Variants in NPFFR2 observed in about 807,000 individuals in gnomAD.
NPFFR2 encodes neuropeptide FF receptor 2.
NPFFR2 carries 15 observed loss-of-function variants against 13.1 expected under a neutral mutation model. That is an observed-to-expected ratio of 1.15 (90% confidence interval 0.77 to 1.76). NPFFR2 has a LOEUF of 1.76. NPFFR2 is among the 40% of genes most tolerant of loss of function. The probability of loss-of-function intolerance (pLI) is 0.00; values close to 1 mark genes in which losing one functional copy is unlikely to be tolerated. For missense variants in NPFFR2, 572 were observed against 503.5 expected, an observed-to-expected ratio of 1.14 and a Z score of -1.30; for synonymous variants, 190 against 175.7, an observed-to-expected ratio of 1.08 and a Z score of -0.65.
intron 1 of NPFFR2, among the ~76,000 whole-genome samples, chr4:72,046,979 A>C (rs1719398404): frequency 6.6e-6 from 1 of 152,208 alleles, no homozygotes; most frequent in African/African-American, 2.4e-5. Context: ...AGGGCTTTGC[A>C]GAATGCAGAG....
rs75540662 is a variant in NPFFR2 at position 72,062,624 on chromosome 4, C to T, written c.-8+30424C>T. Among the ~76,000 whole-genome samples, 484 of 152,094 alleles carry T rather than the reference C, an allele frequency of 3.2e-3. 3 individuals carry two copies. Among genetic ancestry groups the T allele is most frequent in the African/African-American group, 0.011 (475 of 41,482 alleles). ...CTTGCATAAAGACGTGAAATCTTCC[C>T]GATCCCTTTAATATGGGCTGCACAT... On this transcript the variant is annotated intron_variant, in intron 1 of 3. Coordinates refer to ENST00000308744, the MANE Select transcript of NPFFR2 (RefSeq NM_004885.3).
intron 1 of NPFFR2, among the ~76,000 whole-genome samples, chr4:72,107,992 T>C (rs148762964): frequency 1.7e-3 from 256 of 152,080 alleles, no homozygotes; most frequent in African/African-American, 5.9e-3. Context: ...TTACTAACAA[T>C]TTCATGAATA....
chr4:72,086,474 C>A (rs914671946), intron 1 of NPFFR2, among the ~76,000 whole-genome samples: 1 of 151,932 alleles, frequency 6.6e-6, no homozygotes, highest in African/African-American at 2.4e-5. Context: ...AGAATGTAAG[C>A]TAGCAAACTG....
At chr4:72,084,702 T>C (rs888823182) in intron 1 of NPFFR2, among the ~76,000 whole-genome samples, 3 of 152,122 alleles carry the variant, frequency 2.0e-5, no homozygotes, top group African/African-American at 7.2e-5. Context: ...GCGTTTGTGC[T>C]TCAGTGCTTT....
chr4:72,096,764 T>C (rs1721085815), intron 1 of NPFFR2, among the ~76,000 whole-genome samples: 1 of 152,102 alleles, frequency 6.6e-6, no homozygotes, highest in African/African-American at 2.4e-5. Context: ...AATTGTTTTA[T>C]ACAGATGCTC....
At chr4:72,080,287 C>G (rs549065161) in intron 1 of NPFFR2, among the ~76,000 whole-genome samples, 7 of 151,994 alleles carry the variant, frequency 4.6e-5, no homozygotes, top group African/African-American at 1.7e-4. Flanking sequence ...GCCTCAGTCT[C>G]CTGAGTACCT....
chr4:72,130,939 G>A (rs1475355863), intron 2 of NPFFR2, among the ~76,000 whole-genome samples: 2 of 152,110 alleles, frequency 1.3e-5, no homozygotes, highest in East Asian at 3.9e-4. Context: ...TTTATTGAGC[G>A]GTGGAAGTGG....
intron 1 of NPFFR2, among the ~76,000 whole-genome samples, chr4:72,097,773 G>T (rs778488797): frequency 1.3e-5 from 2 of 152,144 alleles, no homozygotes; most frequent in Non-Finnish European, 2.9e-5. Context: ...TTTTCAAGAA[G>T]ATTGTGCAGA....
chr4:72,048,704 C>T (rs1225476265), intron 1 of NPFFR2, among the ~76,000 whole-genome samples: 1 of 150,612 alleles, frequency 6.6e-6, no homozygotes, highest in Non-Finnish European at 1.5e-5. Context: ...TTTAATGATA[C>T]TTTGGTAATG....
intron 1 of NPFFR2, among the ~76,000 whole-genome samples, chr4:72,066,043 T>C (rs1720060271): frequency 6.6e-6 from 1 of 152,192 alleles, no homozygotes; most frequent in African/African-American, 2.4e-5. Flanking sequence ...CCAGAGACAA[T>C]TGTAAAGAAC....
chr4:72,140,799 C>T (rs868260971), intron 3 of NPFFR2, among the ~76,000 whole-genome samples: 4 of 152,132 alleles, frequency 2.6e-5, no homozygotes, highest in Admixed American at 1.3e-4. Flanking sequence ...AGAGGATTCC[C>T]TCTTTTTCTA....
chr4:72,032,516 C>A (rs1718952333), intron 1 of NPFFR2, among the ~76,000 whole-genome samples: 1 of 152,174 alleles, frequency 6.6e-6, no homozygotes, highest in African/African-American at 2.4e-5. Context: ...TGTGTTGTAA[C>A]TTTGTTGAAT....
chr4:72,109,183 A>G (rs1180327003), intron 1 of NPFFR2, among the ~76,000 whole-genome samples: 1 of 151,984 alleles, frequency 6.6e-6, no homozygotes, highest in African/African-American at 2.4e-5. Context: ...TTTTCTTTCA[A>G]TATTGGCCAT....
intron 1 of NPFFR2, among the ~76,000 whole-genome samples, chr4:72,104,029 T>C (rs1447842589): frequency 6.6e-6 from 1 of 152,052 alleles, no homozygotes; most frequent in Non-Finnish European, 1.5e-5. Flanking sequence ...TAATGAGCAG[T>C]TTAGCTGTAG....
intron 3 of NPFFR2, among the ~76,000 whole-genome samples, chr4:72,141,636 G>T (rs935544763): frequency 6.6e-6 from 1 of 152,090 alleles, no homozygotes; most frequent in Admixed American, 6.6e-5. Context: ...AGTTTGTTGT[G>T]ATTTCTGTTC....
chr4:72,130,900 C>T (rs538483315), intron 2 of NPFFR2, among the ~76,000 whole-genome samples: 14 of 152,192 alleles, frequency 9.2e-5, no homozygotes, highest in East Asian at 5.8e-4. Context: ...GTCGCATGAA[C>T]GAATTGAAGT....
chr4:72,135,930 G>A (rs1722395774), intron 2 of NPFFR2, among the ~76,000 whole-genome samples: 1 of 151,564 alleles, frequency 6.6e-6, no homozygotes, highest in Non-Finnish European at 1.5e-5. Flanking sequence ...ATCATATTAG[G>A]GCATTTGGGA....
At chr4:72,127,101 G>A (rs184114570) in intron 1 of NPFFR2, among the ~76,000 whole-genome samples, 3 of 151,566 alleles carry the variant, frequency 2.0e-5, no homozygotes, top group Non-Finnish European at 4.4e-5. Context: ...AGGAGATCCA[G>A]ACCATCCTGG....
chr4:72,060,278 A>G (rs1214548393), intron 1 of NPFFR2, among the ~76,000 whole-genome samples: 2 of 152,098 alleles, frequency 1.3e-5, no homozygotes, highest in Admixed American at 1.3e-4. Context: ...CATTAGAATA[A>G]GCACACCCAT....
Sources: allele counts gnomAD v4.1 joint callset (sites outside exome capture counted in the v4.1 genomes callset), GRCh38; gene constraint gnomAD v4.1.1; transcripts MANE v1.5; gene names NCBI Gene and HGNC (gene_info 2026-07-23, HGNC 2026-07-21).